The following PPP1R9A variants were observed in gnomAD, a reference collection of about 807,000 sequenced individuals.
PPP1R9A encodes the protein neurabin-1.
In PPP1R9A, 59 loss-of-function variants were observed where a neutral mutation model predicts 141.9. The ratio of observed to expected loss-of-function variants is 0.42; its 90% confidence interval spans 0.34 to 0.52. The LOEUF is 0.52. PPP1R9A is among the 20% of genes least tolerant of loss of function. The pLI is 0.10. For missense variants in PPP1R9A, 1,444 were observed against 1,611.9 expected, an observed-to-expected ratio of 0.90 and a Z score of 1.78; for synonymous variants, 500 against 569.7, an observed-to-expected ratio of 0.88 and a Z score of 1.74.
intron 2 of PPP1R9A, among the ~76,000 whole-genome samples, chr7:95,009,137 A>G (rs772365756): frequency 6.7e-6 from 1 of 150,268 alleles, no homozygotes; most frequent in Non-Finnish European, 1.5e-5. Flanking sequence ...AACATCACAC[A>G]CCGGGGCCTG....
At chr7:95,205,553 T>A (rs754354172) in intron 7 of PPP1R9A, among the ~76,000 whole-genome samples, 4 of 152,246 alleles carry the variant, frequency 2.6e-5, no homozygotes, top group Non-Finnish European at 5.9e-5. Context: ...AAAGACATAG[T>A]GAGAGACGGA....
At chr7:95,072,253 TATA>T (rs1244500971) in intron 2 of PPP1R9A, among the ~76,000 whole-genome samples, 6 of 145,160 alleles carry the variant, frequency 4.1e-5, no homozygotes, top group Admixed American at 7.1e-5. Flanking sequence ...TTACTAAATA[TATA>T]ATATTATATA....
At chr7:95,241,293 T>G (rs1429370919) in intron 8 of PPP1R9A, among the ~76,000 whole-genome samples, 2 of 152,146 alleles carry the variant, frequency 1.3e-5, no homozygotes, top group Non-Finnish European at 2.9e-5. Context: ...TATGGAATAC[T>G]GAGGAAGTTA....
At chr7:95,148,688 C>CAAAAAAAAAAAAAAAAAAA (rs80065854) in intron 4 of PPP1R9A, among the ~76,000 whole-genome samples, 1 of 69,750 alleles carries the variant, frequency 1.4e-5, no homozygotes, top group Non-Finnish European at 3.9e-5. Flanking sequence ...TCTAAAAATA[C>CAAAAAAAAAAAAAAAAAAA]AAAAAAAAAA....
intron 2 of PPP1R9A, among the ~76,000 whole-genome samples, chr7:95,055,895 T>C (rs1160739139): frequency 3.3e-5 from 5 of 152,108 alleles, no homozygotes; most frequent in African/African-American, 7.2e-5. Flanking sequence ...TTCTACCTAC[T>C]GAGAACCTAC....
At chr7:95,000,599 G>T (rs1031795846) in intron 2 of PPP1R9A, among the ~76,000 whole-genome samples, 1 of 151,748 alleles carries the variant, frequency 6.6e-6, no homozygotes, top group Admixed American at 6.6e-5. Context: ...ATAATTTGTA[G>T]TTTTTGACTG....
At chr7:95,134,942 G>A (rs1051329820) in intron 4 of PPP1R9A, among the ~76,000 whole-genome samples, 1 of 151,986 alleles carries the variant, frequency 6.6e-6, no homozygotes, top group African/African-American at 2.4e-5. Flanking sequence ...AGTATTATAC[G>A]TTAGGGCTGA....
Position 95,134,297 on chromosome 7 carries a change from A to G in PPP1R9A, c.1649+13465A>G, listed in dbSNP as rs1336116601. Among the ~76,000 whole-genome samples the G allele has an allele frequency of 3.3e-5, 5 of 152,156 alleles. No homozygotes were observed. The East Asian group carries it at 7.7e-4, about 23-fold the overall frequency. On this transcript the variant is annotated intron_variant, in intron 4 of 19. Coordinates refer to ENST00000433360, the MANE Select transcript of PPP1R9A (RefSeq NM_001166160.2). ...AATACATGGACACAGGGAGGCGAACATCACACACTGGGGCCTGTTGGTGGG... is the reference window on the plus strand; with the variant it reads ...AATACATGGACACAGGGAGGCGAACGTCACACACTGGGGCCTGTTGGTGGG...
rs550388328 is a variant in PPP1R9A, at chr7:95,294,928, C to T, written c.*4625C>T. On this transcript the variant is annotated 3_prime_UTR_variant, in exon 20 of 20. Coordinates refer to ENST00000433360, the MANE Select transcript of PPP1R9A (RefSeq NM_001166160.2). ...ACAGTCTGTGACCTGATTCCAGATC[C>T]TCAAGAGTGGAGAAGGAAAGAAATA... 2.0e-5 allele frequency: 3 copies of T among 152,716 alleles called. No individual in the cohort carries two copies. Among genetic ancestry groups the T allele is most frequent in the South Asian group, 2.1e-4 (1 of 4,826 alleles). The allele number at this position is 152,716 out of a possible 1,614,324, so 9.5% of individuals were successfully genotyped here. A position where few individuals can be genotyped will look rare whatever the true frequency, so the allele number is the denominator to read the frequency against.
chr7:95,252,902 G>C (rs1799091891), intron 12 of PPP1R9A, among the ~76,000 whole-genome samples: 1 of 152,140 alleles, frequency 6.6e-6, no homozygotes, highest in South Asian at 2.1e-4. Flanking sequence ...ATGGTGTACT[G>C]TGTATACTTC....
At chr7:95,190,288 T>C (rs970460481) in intron 5 of PPP1R9A, among the ~76,000 whole-genome samples, 2 of 152,212 alleles carry the variant, frequency 1.3e-5, no homozygotes, top group African/African-American at 2.4e-5. Context: ...GTGACTGTTA[T>C]TGCTCCTCTG....
intron 3 of PPP1R9A, among the ~76,000 whole-genome samples, chr7:95,118,807 C>CA (rs201426523): frequency 0.019 from 925 of 48,534 alleles, 5 homozygotes; most frequent in Middle Eastern, 0.053. Flanking sequence ...CCTGTCTGTA[C>CA]AAAAAAAAAA....
At chr7:95,183,139 CTCTT>C (rs1834101589) in intron 5 of PPP1R9A, among the ~76,000 whole-genome samples, 1 of 150,788 alleles carries the variant, frequency 6.6e-6, no homozygotes, top group South Asian at 2.1e-4. Context: ...TAGAAAAATA[CTCTT>C]TCTTTTTTTT....
At chr7:95,188,852 C>A (rs1240813634) in intron 5 of PPP1R9A, among the ~76,000 whole-genome samples, 1 of 151,978 alleles carries the variant, frequency 6.6e-6, no homozygotes, top group Admixed American at 6.6e-5. Flanking sequence ...CTGCCTCAGC[C>A]TCCCAAAGAA....
rs1491022597 is a variant in PPP1R9A at position 95,250,155 on chromosome 7, C to CTCACA, written c.2296_2297insTCACA (p.His766LeufsTer5). The CTCACA allele has an allele frequency of 6.2e-7, 1 of 1,613,848 alleles. No homozygotes were observed. Among genetic ancestry groups the CTCACA allele is most frequent in the Non-Finnish European group, 8.5e-7 (1 of 1,179,960 alleles). ...CTGGATTGAGGCCCAAACATTATGC[C>CTCACA]ACACAGTGAATGAGCATCTCAAAGA... On this transcript the variant is annotated frameshift_variant, in exon 10 of 20. Transcript: ENST00000433360. LOFTEE classifies it high-confidence loss of function.
rs1294404786 is a variant in PPP1R9A, at chr7:95,288,529, A to G, written c.3730-7A>G. 7 of 1,613,416 alleles carry G rather than the reference A, an allele frequency of 4.3e-6. No homozygotes were observed. Among genetic ancestry groups the G allele is most frequent in the South Asian group, 3.3e-5 (3 of 90,934 alleles). On this transcript the variant is annotated splice_region_variant and splice_polypyrimidine_tract_variant and intron_variant, in intron 18 of 19. Transcript: ENST00000433360. ...TTTAACAACACTACGTAACATTCCTATCTTAGATCCTTGATGATGGACAGT... is the reference window on the plus strand; with the variant it reads ...TTTAACAACACTACGTAACATTCCTGTCTTAGATCCTTGATGATGGACAGT...
At chr7:95,077,602 A>G (rs931875528) in intron 2 of PPP1R9A, among the ~76,000 whole-genome samples, 1 of 152,160 alleles carries the variant, frequency 6.6e-6, no homozygotes, top group Admixed American at 6.5e-5. Flanking sequence ...CTGCCCCCCC[A>G]ATAACAAAGA....
At chr7:94,922,102 ATTAT>A (rs1562995282) in intron 2 of PPP1R9A, among the ~76,000 whole-genome samples, 1 of 149,052 alleles carries the variant, frequency 6.7e-6, no homozygotes, top group South Asian at 2.1e-4. Context: ...AATTTATAAT[ATTAT>A]TTATAATTTT....
At chr7:94,924,492 A>C (rs1793213409) in intron 2 of PPP1R9A, among the ~76,000 whole-genome samples, 1 of 152,060 alleles carries the variant, frequency 6.6e-6, no homozygotes, top group Non-Finnish European at 1.5e-5. Context: ...ACAATTCTTT[A>C]TTTATTTAGT....
Sources: allele counts gnomAD v4.1 joint callset (sites outside exome capture counted in the v4.1 genomes callset), GRCh38; gene constraint gnomAD v4.1.1; transcripts MANE v1.5; gene names NCBI Gene and HGNC (gene_info 2026-07-23, HGNC 2026-07-21).